SLTM: variants seen among roughly 807,000 people sequenced by gnomAD.
SLTM encodes SAFB-like transcription modulator.
A neutral mutation model predicts 134.6 loss-of-function variants in SLTM; 43 were observed. That is an observed-to-expected ratio of 0.32 (90% CI 0.25 to 0.41). The LOEUF (loss-of-function observed/expected upper bound fraction) is 0.41, where lower values mean the gene tolerates loss of function less well. Among genes scored for constraint, SLTM ranks in the 10% least tolerant of loss-of-function variants. The pLI, the probability that SLTM is intolerant of heterozygous loss-of-function variation, is 1.00. For synonymous variants in SLTM, 424 were observed against 432.3 expected, an observed-to-expected ratio of 0.98 and a Z score of 0.24; for missense variants, 1,055 against 1,288.8, an observed-to-expected ratio of 0.82 and a Z score of 2.78.
rs780442185 is a variant in SLTM at position 58,933,589 on chromosome 15, A to C, written c.-24T>G. On this transcript the variant is annotated 5_prime_UTR_variant, in exon 1 of 21. Coordinates refer to ENST00000380516, the MANE Select transcript of SLTM (RefSeq NM_024755.4). ...ATCTTAGAAGAGCAGCGCGCTGCCG[A>C]GGCAGCGAGTGGGCTGCAGGGCGGC... 1 of 1,556,148 alleles carries C rather than the reference A, an allele frequency of 6.4e-7. No individual in the cohort carries two copies. The highest frequency in any genetic ancestry group is 8.7e-7 in the Non-Finnish European group (1 of 1,153,074).
intron 5 of SLTM, among the ~76,000 whole-genome samples, chr15:58,905,625 G>GC (rs745314333): frequency 9.2e-5 from 14 of 152,000 alleles, no homozygotes; most frequent in Non-Finnish European, 1.3e-4. Context: ...GATGCGAAGA[G>GC]CACACCACTT....
chr15:58,900,033 G>T, intron 6 of SLTM, 96 bp from the exon 7 acceptor site: 21 of 821,296 alleles, frequency 2.6e-5, no homozygotes, highest in Non-Finnish European at 3.5e-5. Flanking sequence ...TATAAAGCCA[G>T]TTATTAGCAC....
intron 6 of SLTM, 101 bp downstream of exon 6, chr15:58,901,158 TA>T: frequency 1.1e-6 from 1 of 906,782 alleles, no homozygotes; most frequent in East Asian, 2.6e-5. Flanking sequence ...AATTTGAAAA[TA>T]AACTAATTTC....
chr15:58,897,630 G>GA (rs777607577), intron 8 of SLTM: 1 of 154,648 alleles, frequency 6.5e-6, no homozygotes, highest in Non-Finnish European at 1.4e-5. Flanking sequence ...AATGGAAGAA[G>GA]AAAAAAGTCA....
chr15:58,927,214 C>T lies in SLTM; in HGVS notation c.250+5142G>A, dbSNP rs532011462. On this transcript the variant is annotated intron_variant, in intron 2 of 20. Transcript: ENST00000380516. ...CAAAGAAATATGCAATTAAAATAGG[C>T]ACCAAAAGAGATATTTCTTTTTTTT... Among the ~76,000 whole-genome samples, 6 of 152,214 alleles carry T rather than the reference C, an allele frequency of 3.9e-5. No homozygotes were observed. The South Asian group carries it at 1.2e-3, about 32-fold the overall frequency.
chr15:58,889,139 CTTTT>C lies in SLTM; in HGVS notation c.2204+287_2204+290del, dbSNP rs1344953747. The C allele has an allele frequency of 5.9e-5, 16 of 273,474 alleles. No homozygotes were observed. The Admixed American group carries it at 7.8e-4, about 13-fold the overall frequency. 16.9% of individuals were successfully genotyped at this position (273,474 alleles called of 1,614,324 possible). Reference sequence around the variant, plus strand: ...TCCATTTCTATACTACCTGCACTACCTTTTTAAGAATGTTCAAAATCTGTTTAAT... The same window carrying C: ...TCCATTTCTATACTACCTGCACTACCTAAGAATGTTCAAAATCTGTTTAAT... On this transcript the variant is annotated intron_variant, in intron 16 of 20. Transcript: ENST00000380516.
At chr15:58,918,115 G>A (rs908268905) in intron 2 of SLTM, among the ~76,000 whole-genome samples, 1 of 150,966 alleles carries the variant, frequency 6.6e-6, no homozygotes, top group Non-Finnish European at 1.5e-5. Context: ...TTCCACAGAG[G>A]CAATGCTAAA....
At chr15:58,894,237 A>G (rs776508492) in intron 10 of SLTM, 44 bp from the exon 11 acceptor site, 1 of 1,505,760 alleles carries the variant, frequency 6.6e-7, no homozygotes, top group East Asian at 2.3e-5. Flanking sequence ...ATATGGTTAC[A>G]TTTTTGTGAT....
intron 12 of SLTM, 52 bp from the exon 13 acceptor site, chr15:58,893,416 GA>G: frequency 1.6e-6 from 2 of 1,269,834 alleles, no homozygotes; most frequent in Non-Finnish European, 2.2e-6. Context: ...CATTGAGAAA[GA>G]AAATATGTAT....
chr15:58,904,742 G>A (rs1180133761), intron 5 of SLTM, among the ~76,000 whole-genome samples: 2 of 151,240 alleles, frequency 1.3e-5, no homozygotes, highest in African/African-American at 4.9e-5. Flanking sequence ...ACTGAGTGTC[G>A]CTCTGCTTCC....
Position 58,883,804 on chromosome 15 carries a change from G to T in SLTM, c.2836-18C>A, listed in dbSNP as rs2033943733. The T allele has an allele frequency of 1.2e-6, 2 of 1,611,736 alleles. No homozygotes were observed. The highest frequency in any genetic ancestry group is 1.7e-6 in the Non-Finnish European group (2 of 1,178,248). On this transcript the variant is annotated intron_variant, in intron 19 of 20. Transcript: ENST00000380516. ...GGATAGTGCTAAAAGAATAGCATAT[G>T]AAAAGTCACTTGGCCGGGCGCAGTG...
chr15:58,929,397 G>A (rs1025101761), intron 2 of SLTM, among the ~76,000 whole-genome samples: 38 of 151,340 alleles, frequency 2.5e-4, no homozygotes, highest in Admixed American at 1.9e-3. Flanking sequence ...GCAGTGAGCC[G>A]AGATCACACC....
Position 58,901,307 on chromosome 15 carries a change from C to A in SLTM, c.562-20G>T. On this transcript the variant is annotated intron_variant, in intron 5 of 20. Transcript: ENST00000380516. ...ACCATCCTGAAATTCAAAGAATAAT[C>A]AAATGTAAAATGAATTCACATAAAA... 2.5e-6 allele frequency: 4 copies of A among 1,594,268 alleles called. No homozygotes were observed. The South Asian group carries it at 4.5e-5, about 18-fold the overall frequency.
chr15:58,920,697 T>C (rs1175203782), intron 2 of SLTM, among the ~76,000 whole-genome samples: 1 of 151,612 alleles, frequency 6.6e-6, no homozygotes, highest in African/African-American at 2.4e-5. Flanking sequence ...GGCTCACACC[T>C]GTAATCCCAA....
At chr15:58,915,808 T>A (rs1479297713) in intron 3 of SLTM, among the ~76,000 whole-genome samples, 1 of 151,678 alleles carries the variant, frequency 6.6e-6, no homozygotes, top group Non-Finnish European at 1.5e-5. Context: ...AACACAAACA[T>A]CGAGAGACAT....
In SLTM at chr15:58,887,424, G is replaced by C. The variant is rs772775804; in HGVS notation, c.2492C>G (p.Pro831Arg). 3 of 1,614,010 alleles carry C rather than the reference G, an allele frequency of 1.9e-6. No individual in the cohort carries two copies. The highest frequency in any genetic ancestry group is 1.1e-5 in the South Asian group (1 of 91,070). ...TCTAAGTTCATTTCTTGGTGGTGGA[G>C]GCTCATTTCTTCTGGAGTCACTGAA... ...KNFSDSRRNE[P>R]PPPRNELRES... is the part of the protein sequence containing the mutation. Residue 831 changes from proline (P) to arginine (R), a missense_variant, in exon 18 of 21, where the codon CCT becomes CGT. By Grantham distance (103) the Pro-to-Arg change is moderately radical (BLOSUM62 -2). Around this residue, in one of 3 missense-constraint regions of SLTM, gnomAD observed 776 missense variants for 962.2 expected, o/e 0.81. Coordinates refer to ENST00000380516, the MANE Select transcript of SLTM (RefSeq NM_024755.4).
In SLTM at chr15:58,894,604, TAG is replaced by T. The variant is rs1178264742; in HGVS notation, c.1228-24_1228-23del. ...GAACCTATAAAATCAGACTGTACTT[TAG>T]AGAGTTTTACAACGTTCCAAGTACA... On this transcript the variant is annotated intron_variant, in intron 9 of 20. Transcript: ENST00000380516. 3.7e-6 allele frequency: 6 copies of T among 1,613,254 alleles called. No homozygotes were observed. The African/African-American group carries it at 5.3e-5, about 14-fold the overall frequency.
In SLTM at chr15:58,879,989, G is replaced by A. The variant is rs1205431699; in HGVS notation, c.*10C>T. On this transcript the variant is annotated 3_prime_UTR_variant, in exon 21 of 21. Transcript: ENST00000380516. ...TAAATTATCTTAAAACCTTGGCAGA[G>A]AGCTCATTTTCAGAATCGTCGCGGA... is the stretch of plus-strand genomic sequence containing the variant. The A allele has an allele frequency of 6.2e-7, 1 of 1,612,776 alleles. No homozygotes were observed. The highest frequency in any genetic ancestry group is 8.5e-7 in the Non-Finnish European group (1 of 1,179,446).
intron 2 of SLTM, among the ~76,000 whole-genome samples, chr15:58,923,812 T>C (rs1281819281): frequency 1.4e-5 from 2 of 141,998 alleles, no homozygotes; most frequent in African/African-American, 2.6e-5. Context: ...TTTTTTTTTT[T>C]TTTTTTTTTT....
Sources: gnomAD v4.1 joint callset for allele counts (sites outside exome capture counted in the v4.1 genomes callset) on GRCh38, gnomAD v4.1.1 for gene constraint, gnomAD v4.1.1 regional missense constraint, MANE v1.5 for transcripts, NCBI Gene and HGNC (gene_info 2026-07-23, HGNC 2026-07-21) for gene names.